The following ATF7IP2 variants were observed in gnomAD, a reference collection of about 807,000 sequenced individuals.
ATF7IP2 encodes the protein activating transcription factor 7-interacting protein 2.
In ATF7IP2, 42 loss-of-function variants were observed where a neutral mutation model predicts 64.2. That is an observed-to-expected ratio of 0.65 (90% confidence interval 0.51 to 0.85). The LOEUF (loss-of-function observed/expected upper bound fraction) is 0.85. Among genes scored for constraint, ATF7IP2 ranks in the 40% least tolerant of loss-of-function variants. The pLI, the probability that ATF7IP2 is intolerant of heterozygous loss-of-function variation, is 0.00. For missense variants in ATF7IP2, 933 were observed against 784.2 expected (o/e 1.19, Z -2.27); for synonymous variants, 308 against 272.8 (o/e 1.13, Z -1.27).
intron 5 of ATF7IP2, among the ~76,000 whole-genome samples, chr16:10,432,593 G>T (rs1467825959): frequency 2.0e-5 from 3 of 152,082 alleles, no homozygotes; most frequent in Non-Finnish European, 2.9e-5. Context: ...AAGAAGCCGG[G>T]CGCTGTGCCT....
Position 10,483,247 on chromosome 16 carries a change from T to G in ATF7IP2, c.*998T>G, listed in dbSNP as rs2050302772. 1 of 152,168 alleles carries G rather than the reference T, an allele frequency of 6.6e-6. No homozygotes were observed. Among genetic ancestry groups the G allele is most frequent in the African/African-American group, 2.4e-5 (1 of 41,434 alleles). The allele number at this position is 152,168 out of a possible 1,614,324, so 9.4% of individuals were successfully genotyped here. On this transcript the variant is annotated 3_prime_UTR_variant, in exon 14 of 14. Coordinates refer to ENST00000562102, the MANE Select transcript of ATF7IP2 (RefSeq NM_001393719.1). Reference sequence around the variant, plus strand: ...GAAAGCATTACCCAACCTGTTTGAGTTGAGAATGCATTTGTCCACCTTTGA... The same window carrying G: ...GAAAGCATTACCCAACCTGTTTGAGGTGAGAATGCATTTGTCCACCTTTGA...
At chr16:10,473,181 TAA>T (rs1030096363) in intron 10 of ATF7IP2, among the ~76,000 whole-genome samples, 2 of 152,168 alleles carry the variant, frequency 1.3e-5, no homozygotes, top group African/African-American at 4.8e-5. Flanking sequence ...TACTGTGAAT[TAA>T]AAGTGTGTGC....
chr16:10,399,233 C>G (rs962404742), intron 1 of ATF7IP2, among the ~76,000 whole-genome samples: 2 of 152,146 alleles, frequency 1.3e-5, no homozygotes, highest in African/African-American at 4.8e-5. Flanking sequence ...TAACTATAAT[C>G]TTAAATGAAA....
At chr16:10,447,224 C>T (rs1229379221) in intron 8 of ATF7IP2, 2 of 152,294 alleles carry the variant, frequency 1.3e-5, no homozygotes, top group African/African-American at 2.4e-5. Flanking sequence ...CTTTTCTTAC[C>T]TTGGTCTGTG....
chr16:10,404,316 G>A (rs935352226), intron 1 of ATF7IP2, among the ~76,000 whole-genome samples: 10 of 152,240 alleles, frequency 6.6e-5, no homozygotes, highest in Admixed American at 3.3e-4. Flanking sequence ...GAAGTGGTGC[G>A]ATCTCTGCTC....
At chr16:10,471,632 A>G (rs2049803192) in intron 9 of ATF7IP2, among the ~76,000 whole-genome samples, 1 of 152,182 alleles carries the variant, frequency 6.6e-6, no homozygotes, top group Non-Finnish European at 1.5e-5. Context: ...AATTTGTGGT[A>G]AATATTGCTA....
chr16:10,404,699 A>C (rs1163830353), intron 1 of ATF7IP2, among the ~76,000 whole-genome samples: 2 of 152,122 alleles, frequency 1.3e-5, no homozygotes, highest in Non-Finnish European at 2.9e-5. Flanking sequence ...CACCATGCCC[A>C]GATAATTTTT....
At chr16:10,410,348 TTTTGTTTTGTTTTTGTTTTTG>T (rs770897121) in intron 1 of ATF7IP2, among the ~76,000 whole-genome samples, 1 of 134,924 alleles carries the variant, frequency 7.4e-6, no homozygotes, top group African/African-American at 3.0e-5. Flanking sequence ...TTTTGTTTTG[TTTTGTTTTGTTTTTGTTTTTG>T]TTTTGTTTTG....
chr16:10,388,206 T>A (rs1314469909), intron 1 of ATF7IP2, among the ~76,000 whole-genome samples: 3 of 152,214 alleles, frequency 2.0e-5, no homozygotes, highest in Admixed American at 2.0e-4. Flanking sequence ...CATATTTTTA[T>A]ATCATTTAGA....
intron 9 of ATF7IP2, among the ~76,000 whole-genome samples, chr16:10,469,490 C>G (rs2049707177): frequency 6.6e-6 from 1 of 151,948 alleles, no homozygotes; most frequent in Non-Finnish European, 1.5e-5. Flanking sequence ...CATACAAAAC[C>G]ACATCATCAG....
Position 10,482,401 on chromosome 16 carries a change from A to G in ATF7IP2, c.*152A>G, listed in dbSNP as rs2050270690. 1.7e-6 allele frequency: 1 copy of G among 579,712 alleles called. No individual in the cohort carries two copies. Among genetic ancestry groups the G allele is most frequent in the Non-Finnish European group, 3.0e-6 (1 of 338,550 alleles). The allele number at this position is 579,712 out of a possible 1,614,324, so 35.9% of individuals were successfully genotyped here. A position where few individuals can be genotyped will look rare whatever the true frequency, so the allele number is the denominator to read the frequency against. On this transcript the variant is annotated 3_prime_UTR_variant, in exon 14 of 14. Transcript: ENST00000562102. ...TTCTATATGTTTTAAGTGGCCAGTA[A>G]TTTAATGAATTTCTGGTTTGTATTA...
chr16:10,473,481 AC>A lies in ATF7IP2; in HGVS notation c.1431del (p.Arg478GlufsTer26). 1 of 1,556,152 alleles carries A rather than the reference AC, an allele frequency of 6.4e-7. No homozygotes were observed. Among genetic ancestry groups the A allele is most frequent in the Admixed American group, 1.7e-5 (1 of 57,780 alleles). ...TTPITSNPTDTRKITSGNSSN... is the reference protein window; with the variant it reads ...TTPITSNPTDXRKITSGNSSN... Reference sequence around the variant, plus strand: ...GTCAAATGTCTAATTTCTTTCAGATACCAGAAAAATTACATCAGGAAATTCT... The same window carrying A: ...GTCAAATGTCTAATTTCTTTCAGATACAGAAAAATTACATCAGGAAATTCT... On this transcript the variant is annotated frameshift_variant, in exon 11 of 14. Coordinates refer to ENST00000562102, the MANE Select transcript of ATF7IP2 (RefSeq NM_001393719.1). LOFTEE classifies it high-confidence loss of function.
At position 10,431,424 on chromosome 16, in the gene ATF7IP2, A is replaced by C; in HGVS notation, c.804A>C (p.Thr268=). 1 of 1,606,322 alleles carries C rather than the reference A, an allele frequency of 6.2e-7. No homozygotes were observed. The highest frequency in any genetic ancestry group is 8.5e-7 in the Non-Finnish European group (1 of 1,174,276). ...CAAATTGTGAAAGTGCAGACTCAAC[A>C]TGGCAGTCATCACTTGACACTAATA... ...SISNCESADS[T]WQSSLDTNNN... The change falls in exon 5 of 14, where the codon ACA becomes ACC. Residue 268 remains threonine, a synonymous_variant. Transcript: ENST00000562102.
At chr16:10,431,790 G>A (rs144460127) in intron 5 of ATF7IP2, among the ~76,000 whole-genome samples, 3 of 149,686 alleles carry the variant, frequency 2.0e-5, no homozygotes, top group Non-Finnish European at 4.4e-5. Flanking sequence ...TTGAAAGAGT[G>A]AGTTTTAAAA....
intron 9 of ATF7IP2, 177 bp from the exon 10 acceptor site, chr16:10,471,933 C>T: frequency 4.8e-6 from 2 of 419,182 alleles, no homozygotes; most frequent in South Asian, 4.9e-5. Context: ...TATAACGGAA[C>T]TGGTAATAAA....
In ATF7IP2 at chr16:10,481,949, G is replaced by A; in HGVS notation, c.1749G>A (p.Val583=). The change falls in exon 14 of 14, where the codon GTG becomes GTA. Residue 583 remains valine (V), a synonymous_variant. Coordinates refer to ENST00000562102, the MANE Select transcript of ATF7IP2 (RefSeq NM_001393719.1). ...CTCCCCAGAAGCCTGAGCTCAAAGT[G>A]AAACGGGTTTTCAGACCCAATGGCA... ...TLPPQKPELK[V]KRVFRPNGIA... 1 of 1,614,118 alleles carries A rather than the reference G, an allele frequency of 6.2e-7. No individual in the cohort carries two copies. Among genetic ancestry groups the A allele is most frequent in the Non-Finnish European group, 8.5e-7 (1 of 1,180,014 alleles).
At chr16:10,441,959 G>A (rs2048639249) in intron 8 of ATF7IP2, among the ~76,000 whole-genome samples, 1 of 152,174 alleles carries the variant, frequency 6.6e-6, no homozygotes, top group South Asian at 2.1e-4. Flanking sequence ...AGTCATGATC[G>A]CAAAAGCACA....
intron 6 of ATF7IP2, among the ~76,000 whole-genome samples, chr16:10,434,751 C>T (rs1258966848): frequency 1.3e-5 from 2 of 152,146 alleles, no homozygotes; most frequent in African/African-American, 2.4e-5. Context: ...GGGATTCCAG[C>T]TGTGTCTTGT....
At chr16:10,448,521 T>C (rs1188560897) in intron 8 of ATF7IP2, 1 of 152,154 alleles carries the variant, frequency 6.6e-6, no homozygotes, top group African/African-American at 2.4e-5. Flanking sequence ...GTATTCTCTT[T>C]GTAGCAATTG....
Sources: gnomAD v4.1 joint callset for allele counts (sites outside exome capture counted in the v4.1 genomes callset) on GRCh38, gnomAD v4.1.1 for gene constraint, MANE v1.5 for transcripts, NCBI Gene and HGNC (gene_info 2026-07-23, HGNC 2026-07-21) for gene names.